FAM178B: variants seen among roughly 807,000 people sequenced by gnomAD.
The protein encoded by FAM178B is family with sequence similarity 178 member B.
A neutral mutation model predicts 91.7 loss-of-function variants in FAM178B; 82 were observed. The observed-to-expected ratio is 0.89, with a 90% CI of 0.75 to 1.07. The LOEUF (loss-of-function observed/expected upper bound fraction) is 1.07. FAM178B is among the 50% of genes least tolerant of loss of function. The pLI is 0.00. For synonymous variants in FAM178B, 368 were observed against 359.4 expected, an observed-to-expected ratio of 1.02 and a Z score of -0.27; for missense variants, 769 against 846.7, an observed-to-expected ratio of 0.91 and a Z score of 1.14.
chr2:96,924,383 C>A (rs1233408605), intron 9 of FAM178B, among the ~76,000 whole-genome samples: 3 of 152,240 alleles, frequency 2.0e-5, no homozygotes, highest in Non-Finnish European at 4.4e-5. Context: ...TCACCCTGAG[C>A]TGATGTGCTG....
rs1436779028 is a variant in FAM178B, at chr2:96,877,724, G to A, written c.2007+166C>T. ...GCACTGGATTCTTGATAAGAATGATGAAGGCCCCTCAAGGCGTCCCCACCC... is the reference window on the plus strand; with the variant it reads ...GCACTGGATTCTTGATAAGAATGATAAAGGCCCCTCAAGGCGTCCCCACCC... On this transcript the variant is annotated intron_variant, in intron 16 of 16. Transcript: ENST00000490605. 3 of 652,096 alleles carry A rather than the reference G, an allele frequency of 4.6e-6. No homozygotes were observed. In the African/African-American group the frequency reaches 5.5e-5, roughly 12 times the overall value. The allele number at this position is 652,096 out of a possible 1,614,324, so 40.4% of individuals were successfully genotyped here. A position where few individuals can be genotyped will look rare whatever the true frequency, so the allele number is the denominator to read the frequency against.
intron 5 of FAM178B, among the ~76,000 whole-genome samples, chr2:96,967,031 G>A (rs1176789053): frequency 1.3e-5 from 2 of 152,110 alleles, no homozygotes; most frequent in African/African-American, 2.4e-5. Context: ...AGATGGATTC[G>A]GTTGTGGCCC....
chr2:96,906,056 A>G (rs541034763), intron 12 of FAM178B, among the ~76,000 whole-genome samples: 2 of 145,828 alleles, frequency 1.4e-5, no homozygotes, highest in East Asian at 4.2e-4. Context: ...TTTTTAGTAG[A>G]GACGGGGTTT....
chr2:96,950,614 G>A (rs1393698873), intron 7 of FAM178B, among the ~76,000 whole-genome samples: 4 of 152,186 alleles, frequency 2.6e-5, no homozygotes, highest in African/African-American at 9.7e-5. Flanking sequence ...ATTCTGGGTG[G>A]GGACCAAGGC....
Position 96,896,727 on chromosome 2 carries a change from C to T in FAM178B, c.1651-2676G>A, listed in dbSNP as rs190069980. ...CAAGATCTTAAGTGTCTGCAAAGAC[C>T]CAACGACCTGCCTGCTGCTTCCTGG... is the stretch of plus-strand genomic sequence containing the variant. On this transcript the variant is annotated intron_variant, in intron 13 of 16. Transcript: ENST00000490605. Among the ~76,000 whole-genome samples, 21 of 152,312 alleles carry T rather than the reference C, an allele frequency of 1.4e-4. No individual in the cohort carries two copies. The East Asian group carries it at 1.5e-3, about 11-fold the overall frequency.
intron 12 of FAM178B, among the ~76,000 whole-genome samples, chr2:96,912,942 T>C (rs142241997): frequency 1.7e-4 from 26 of 152,152 alleles, no homozygotes; most frequent in South Asian, 4.1e-4. Context: ...GATTCAGCCA[T>C]GAGTGAAAGA....
In FAM178B at chr2:96,972,106, G is replaced by C. The variant is rs750505400; in HGVS notation, c.359C>G (p.Pro120Arg). The C allele has an allele frequency of 5.3e-6, 8 of 1,523,112 alleles. No individual in the cohort carries two copies. The African/African-American group carries it at 6.9e-5, about 13-fold the overall frequency. 94.3% of individuals were successfully genotyped at this position (1,523,112 alleles called of 1,614,324 possible). A position where few individuals can be genotyped will look rare whatever the true frequency, so the allele number is the denominator to read the frequency against. ...CTCCCGACTGGCCTGCAGCACCCTC[G>C]GGTTGAGGAATTCCACGGGCGGGGG... ...WSPPPVEFLN[P>R]RVLQASREAP... The change falls in exon 3 of 17, where the codon CCG becomes CGG. Residue 120 changes from proline (P) to arginine (R), a missense_variant. Transcript: ENST00000490605.
chr2:96,939,111 G>A (rs1205102096), intron 8 of FAM178B: 1 of 152,482 alleles, frequency 6.6e-6, no homozygotes, highest in Non-Finnish European at 1.5e-5. Context: ...GCTGAGGCAG[G>A]AGAATCACTT....
At chr2:96,880,863 G>C (rs896255939) in intron 14 of FAM178B, among the ~76,000 whole-genome samples, 1 of 152,304 alleles carries the variant, frequency 6.6e-6, no homozygotes, top group South Asian at 2.1e-4. Flanking sequence ...CAAAGTGCTG[G>C]GATTACAGGC....
At chr2:96,913,116 A>G (rs1559069093) in intron 12 of FAM178B, among the ~76,000 whole-genome samples, 1 of 152,190 alleles carries the variant, frequency 6.6e-6, no homozygotes, top group Non-Finnish European at 1.5e-5. Flanking sequence ...TGACTGCAGA[A>G]GGTTTTGGGA....
chr2:96,956,860 TTTATTA>T (rs1205575647), intron 6 of FAM178B: 1 of 152,308 alleles, frequency 6.6e-6, no homozygotes, highest in Admixed American at 6.5e-5. Flanking sequence ...CAGCTTTTTA[TTTATTA>T]TTATTTTTTG....
chr2:96,932,943 A>C (rs1465042381), intron 8 of FAM178B, among the ~76,000 whole-genome samples: 5 of 132,736 alleles, frequency 3.8e-5, no homozygotes, highest in Admixed American at 3.7e-4. Context: ...CCGTCTCACA[A>C]AAAAAAAAAA....
In FAM178B at chr2:96,968,324, C is replaced by A. The variant is rs1349849984; in HGVS notation, c.627-697G>T. 3.9e-5 allele frequency among the ~76,000 whole-genome samples: 6 copies of A among 152,178 alleles called. No individual in the cohort carries two copies. The East Asian group carries it at 1.2e-3, about 29-fold the overall frequency. ...CCCCTGCGCGCCTCACTTCAACTGG[C>A]CCCCACAATAGGCCCCACACACCTG... On this transcript the variant is annotated intron_variant, in intron 4 of 16. Transcript: ENST00000490605.
chr2:96,967,911 C>CTGTTTTTTTTTTTTT (rs2082165689), intron 4 of FAM178B, among the ~76,000 whole-genome samples: 2 of 62,442 alleles, frequency 3.2e-5, no homozygotes, highest in Non-Finnish European at 6.0e-5. Flanking sequence ...CCTGTTTGGT[C>CTGTTTTTTTTTTTTT]TTTTTTTTTT....
chr2:96,902,750 C>A, intron 12 of FAM178B, 43 bp from the exon 13 acceptor site: 1 of 1,461,426 alleles, frequency 6.8e-7, no homozygotes, highest in South Asian at 1.2e-5. Context: ...TGCTGGAAGT[C>A]GGGGAGCCCG....
At chr2:96,927,488 C>T (rs907083796) in intron 9 of FAM178B, among the ~76,000 whole-genome samples, 1 of 152,220 alleles carries the variant, frequency 6.6e-6, no homozygotes. Flanking sequence ...ACATGAGGCC[C>T]TGGCAGCTCC....
intron 1 of FAM178B, among the ~76,000 whole-genome samples, chr2:96,972,857 G>A (rs1001686153): frequency 6.6e-6 from 1 of 151,850 alleles, no homozygotes. Flanking sequence ...TCACTCTCTC[G>A]CCCAGGCTGG....
intron 14 of FAM178B, among the ~76,000 whole-genome samples, chr2:96,879,194 C>T (rs1196330791): frequency 6.6e-6 from 1 of 152,158 alleles, no homozygotes; most frequent in Non-Finnish European, 1.5e-5. Context: ...TGCAGCCTGC[C>T]CTGGATTCCC....
Position 96,905,053 on chromosome 2 carries a change from T to TA in FAM178B, c.1563-2347dup, listed in dbSNP as rs566586052. ...TGGGATTACAGGCAACCCCAACTCT[T>TA]AAAAAAAAAATGCAAATGGCAAACT... On this transcript the variant is annotated intron_variant, in intron 12 of 16. Transcript: ENST00000490605. 1.9e-3 allele frequency among the ~76,000 whole-genome samples: 180 copies of TA among 95,084 alleles called. 1 individual carries two copies. The South Asian group carries it at 0.05, about 26-fold the overall frequency. 62.4% of individuals were successfully genotyped at this position (95,084 alleles called of 152,430 possible).
Sources: allele counts gnomAD v4.1 joint callset (sites outside exome capture counted in the v4.1 genomes callset), GRCh38; gene constraint gnomAD v4.1.1; transcripts MANE v1.5; gene names NCBI Gene and HGNC (gene_info 2026-07-23, HGNC 2026-07-21).